The following ERC1 variants were observed in gnomAD, a reference collection of about 807,000 sequenced individuals.
The protein encoded by ERC1 is ELKS/RAB6-interacting/CAST family member 1.
Under a neutral mutation model 132.0 loss-of-function variants are expected in ERC1, and 56 were observed. That is an observed-to-expected ratio of 0.42 (90% CI 0.34 to 0.53). The LOEUF is 0.53. Among genes scored for constraint, ERC1 ranks in the 20% least tolerant of loss-of-function variants. The pLI is 0.03. For synonymous variants in ERC1, 478 were observed against 476.1 expected (o/e 1.00, Z -0.05); for missense variants, 1,202 against 1,349.9 (o/e 0.89, Z 1.72).
At chr12:1,278,315 G>A (rs1044818345) in intron 14 of ERC1, among the ~76,000 whole-genome samples, 1 of 152,270 alleles carries the variant, frequency 6.6e-6, no homozygotes, top group Middle Eastern at 3.4e-3. Context: ...TAAGTTAGAG[G>A]AATGATAAAG....
At chr12:1,297,868 G>A (rs1025173186) in intron 15 of ERC1, among the ~76,000 whole-genome samples, 2 of 152,052 alleles carry the variant, frequency 1.3e-5, no homozygotes, top group African/African-American at 4.8e-5. Context: ...GTGAAAGATG[G>A]GACAACAGTA....
At chr12:1,442,239 T>C (rs1309433182) in intron 17 of ERC1, among the ~76,000 whole-genome samples, 2 of 152,240 alleles carry the variant, frequency 1.3e-5, no homozygotes, top group African/African-American at 2.4e-5. Flanking sequence ...CAAGTATACA[T>C]GTATGCCCAG....
intron 4 of ERC1, among the ~76,000 whole-genome samples, chr12:1,109,233 G>A (rs758578622): frequency 2.0e-5 from 3 of 152,160 alleles, no homozygotes; most frequent in African/African-American, 4.8e-5. Context: ...ATGTTCTGTT[G>A]GAAGGTGATA....
chr12:1,431,203 A>G (rs1238603638), intron 17 of ERC1, among the ~76,000 whole-genome samples: 1 of 152,164 alleles, frequency 6.6e-6, no homozygotes. Flanking sequence ...GTCACCCCTC[A>G]GGATTTTGAA....
intron 2 of ERC1, among the ~76,000 whole-genome samples, chr12:1,065,751 A>G (rs1859451): frequency 0.9 from 136,078 of 151,992 alleles, 61,321 homozygotes; most frequent in Non-Finnish European, 0.95. Flanking sequence ...GCTTTTGTGC[A>G]GAAATACTTT....
intron 4 of ERC1, among the ~76,000 whole-genome samples, 177 bp downstream of exon 4, chr12:1,105,001 C>T (rs1285027506): frequency 6.6e-6 from 1 of 152,182 alleles, no homozygotes; most frequent in East Asian, 1.9e-4. Context: ...TTTCCTTTTA[C>T]TTGTAGACCA....
intron 17 of ERC1, among the ~76,000 whole-genome samples, chr12:1,431,992 C>G (rs1018575206): frequency 2.0e-5 from 3 of 152,190 alleles, no homozygotes; most frequent in African/African-American, 7.2e-5. Flanking sequence ...AGTCCTCTTA[C>G]CTCAGCCTCC....
intron 2 of ERC1, among the ~76,000 whole-genome samples, chr12:1,051,069 C>T (rs952088804): frequency 7.2e-5 from 11 of 152,060 alleles, no homozygotes; most frequent in African/African-American, 2.4e-5. Flanking sequence ...GAACTACTAG[C>T]GATTCTGATA....
intron 16 of ERC1, among the ~76,000 whole-genome samples, chr12:1,405,954 A>G (rs2091460777): frequency 6.6e-6 from 1 of 152,240 alleles, no homozygotes; most frequent in African/African-American, 2.4e-5. Flanking sequence ...ATGTATATAT[A>G]CACACATATA....
At chr12:1,224,278 C>T (rs1437853375) in intron 12 of ERC1, among the ~76,000 whole-genome samples, 3 of 152,056 alleles carry the variant, frequency 2.0e-5, no homozygotes, top group South Asian at 4.1e-4. Flanking sequence ...CAGACAGACA[C>T]GCATACACAG....
In ERC1 at chr12:1,270,036, T is replaced by A. The variant is rs545108662; in HGVS notation, c.2619+6871T>A. Among the ~76,000 whole-genome samples, 4 of 152,316 alleles carry A rather than the reference T, an allele frequency of 2.6e-5. No individual in the cohort carries two copies. The South Asian group carries it at 8.3e-4, about 32-fold the overall frequency. On this transcript the variant is annotated intron_variant, in intron 14 of 18. Coordinates refer to ENST00000360905, the MANE Select transcript of ERC1 (RefSeq NM_178040.4). ...GTTGGTAGATTATGATAAATAATTT[T>A]CGATGACACGTTACTATCTGGTTTG...
intron 7 of ERC1, among the ~76,000 whole-genome samples, chr12:1,140,979 G>A (rs565506008): frequency 1.2e-4 from 18 of 152,050 alleles, no homozygotes; most frequent in Non-Finnish European, 2.1e-4. Context: ...ATCTATGTGT[G>A]GGGTGCTAAA....
At chr12:1,430,443 T>C (rs1440913001) in intron 17 of ERC1, 1 of 152,270 alleles carries the variant, frequency 6.6e-6, no homozygotes, top group Non-Finnish European at 1.5e-5. Context: ...AGTGGCTTGA[T>C]CTCGGCTCTC....
At position 1,471,883 on chromosome 12, in the gene ERC1, T is replaced by C. The variant is rs542619222; in HGVS notation, c.3214-18210T>C. On this transcript the variant is annotated intron_variant, in intron 18 of 18. Transcript: ENST00000360905. ...CTGGATGCAGTAGAGCCTGATCCAC[T>C]AACCACTGGCCAGGCGTGATAGATA... Among the ~76,000 whole-genome samples the C allele has an allele frequency of 9.2e-5, 14 of 152,332 alleles. No individual in the cohort carries two copies. The East Asian group carries it at 2.7e-3, about 29-fold the overall frequency.
In ERC1 at chr12:1,189,924, G is replaced by T. The variant is rs759642853; in HGVS notation, c.2223G>T (p.Glu741Asp). Residue 741 changes from glutamate (E) to aspartate (D), a missense_variant, in exon 12 of 19, where the codon GAG (glutamate) becomes GAT (aspartate). Coordinates refer to ENST00000360905, the MANE Select transcript of ERC1 (RefSeq NM_178040.4). ...TGAGTGACCGAATACAGCACTTGGA[G>T]AGAGAGATCACCAGGTACAAAGATG... is the stretch of plus-strand genomic sequence containing the variant. ...PEMSDRIQHL[E>D]REITRYKDES... 6.2e-7 allele frequency: 1 copy of T among 1,614,118 alleles called. No homozygotes were observed. The highest frequency in any genetic ancestry group is 1.7e-5 in the Admixed American group (1 of 60,010).
At chr12:1,260,456 A>G (rs2077071597) in intron 13 of ERC1, among the ~76,000 whole-genome samples, 1 of 152,226 alleles carries the variant, frequency 6.6e-6, no homozygotes, top group South Asian at 2.1e-4. Context: ...GAGCGAGGAC[A>G]AGAAAGAGTG....
intron 16 of ERC1, among the ~76,000 whole-genome samples, chr12:1,375,996 A>C (rs2087865916): frequency 6.6e-6 from 1 of 152,030 alleles, no homozygotes; most frequent in African/African-American, 2.4e-5. Flanking sequence ...TTTGCCTCCC[A>C]AAGTGCTGGG....
chr12:1,353,042 T>C (rs958756575), intron 15 of ERC1, among the ~76,000 whole-genome samples: 30 of 150,370 alleles, frequency 2.0e-4, no homozygotes, highest in African/African-American at 6.8e-4. Context: ...TTTTTTTTTT[T>C]TTTTCTGAGA....
intron 8 of ERC1, among the ~76,000 whole-genome samples, chr12:1,145,954 A>G (rs898892064): frequency 1.3e-5 from 2 of 152,158 alleles, no homozygotes; most frequent in African/African-American, 2.4e-5. Flanking sequence ...TACCAGTACC[A>G]TGATTGGTTT....
Sources: allele counts gnomAD v4.1 joint callset (sites outside exome capture counted in the v4.1 genomes callset), GRCh38; gene constraint gnomAD v4.1.1; transcripts MANE v1.5; gene names NCBI Gene and HGNC (gene_info 2026-07-23, HGNC 2026-07-21).